The following ARHGAP6 variants were observed in gnomAD, a reference collection of about 807,000 sequenced individuals.
The protein encoded by ARHGAP6 is Rho GTPase activating protein 6, also known as rho GTPase-activating protein 6.
A neutral mutation model predicts 55.7 loss-of-function variants in ARHGAP6; 16 were observed. That is an observed-to-expected ratio of 0.29 (90% CI 0.19 to 0.44). The LOEUF (loss-of-function observed/expected upper bound fraction) is 0.44, where lower values mean the gene tolerates loss of function less well. Ranked by LOEUF, ARHGAP6 falls within the 20% of genes least tolerant of loss-of-function variation. The pLI, the probability that ARHGAP6 is intolerant of heterozygous loss-of-function variation, is 1.00. For synonymous variants in ARHGAP6, 382 were observed against 360.9 expected, an observed-to-expected ratio of 1.06 and a Z score of -0.66; for missense variants, 698 against 808.9, an observed-to-expected ratio of 0.86 and a Z score of 1.66.
intron 1 of ARHGAP6, among the ~76,000 whole-genome samples, chrX:11,276,342 A>G: frequency 8.9e-6 from 1 of 112,096 alleles, no homozygotes; most frequent in Non-Finnish European, 1.9e-5. Context: ...TAGAAACAGC[A>G]CTAACATTTT....
At chrX:11,154,727 T>C (rs1400228254) in intron 10 of ARHGAP6, among the ~76,000 whole-genome samples, 1 of 112,163 alleles carries the variant, frequency 8.9e-6, no homozygotes, top group African/African-American at 3.2e-5. Context: ...AAAATTATGG[T>C]GGTGCATGAT....
chrX:11,515,358 G>A (rs942962634), intron 1 of ARHGAP6, among the ~76,000 whole-genome samples: 4 of 112,330 alleles, frequency 3.6e-5, no homozygotes, highest in Admixed American at 1.9e-4. Context: ...GAAAAGTTGC[G>A]TCCTGAAGCA....
intron 1 of ARHGAP6, among the ~76,000 whole-genome samples, chrX:11,463,876 C>A (rs1029418249): frequency 8.9e-6 from 1 of 112,206 alleles, no homozygotes; most frequent in Non-Finnish European, 1.9e-5. Context: ...TATAAGTCAA[C>A]TGCTTCGTAG....
At chrX:11,338,497 T>C (rs1417399230) in intron 1 of ARHGAP6, among the ~76,000 whole-genome samples, 1 of 111,788 alleles carries the variant, frequency 8.9e-6, no homozygotes, top group African/African-American at 3.3e-5. Flanking sequence ...TATTACTACT[T>C]TCTTCCTTTT....
chrX:11,390,432 G>C (rs1205068327), intron 1 of ARHGAP6, among the ~76,000 whole-genome samples: 3 of 111,367 alleles, frequency 2.7e-5, no homozygotes, highest in Non-Finnish European at 5.7e-5. Flanking sequence ...AACACCAAAA[G>C]CAATGGCAAC....
At chrX:11,224,626 T>C (rs1388255801) in intron 2 of ARHGAP6, among the ~76,000 whole-genome samples, 1 of 108,898 alleles carries the variant, frequency 9.2e-6, no homozygotes, top group Non-Finnish European at 1.9e-5. Context: ...AGCACATTGA[T>C]AGAGGGAGAG....
At chrX:11,582,407 C>T (rs1006796848) in intron 1 of ARHGAP6, among the ~76,000 whole-genome samples, 3 of 112,003 alleles carry the variant, frequency 2.7e-5, no homozygotes, top group African/African-American at 9.7e-5. Flanking sequence ...ATGATTTCCC[C>T]GACAGATTCT....
At chrX:11,213,497 A>G (rs950003920) in intron 2 of ARHGAP6, among the ~76,000 whole-genome samples, 43 of 112,526 alleles carry the variant, frequency 3.8e-4, no homozygotes, top group African/African-American at 1.3e-3. Flanking sequence ...TATGGAATCA[A>G]CACTCAGGTG....
intron 1 of ARHGAP6, among the ~76,000 whole-genome samples, chrX:11,595,044 A>T (rs2051884099): frequency 8.9e-6 from 1 of 111,824 alleles, no homozygotes; most frequent in South Asian, 3.8e-4. Context: ...TAATCCCAAC[A>T]CTTTGGGAGG....
intron 1 of ARHGAP6, among the ~76,000 whole-genome samples, chrX:11,326,040 C>T (rs948591830): frequency 2.7e-5 from 3 of 111,958 alleles, no homozygotes; most frequent in Non-Finnish European, 3.8e-5. Flanking sequence ...GCAAGAAGCA[C>T]GCAATTCAAA....
At chrX:11,653,696 G>C (rs749448839) in intron 1 of ARHGAP6, among the ~76,000 whole-genome samples, 1 of 111,911 alleles carries the variant, frequency 8.9e-6, no homozygotes, top group South Asian at 3.7e-4. Flanking sequence ...ATTCTCATTT[G>C]ATAGATGAAG....
chrX:11,287,923 A>G (rs2047941154), intron 1 of ARHGAP6, among the ~76,000 whole-genome samples: 1 of 112,318 alleles, frequency 8.9e-6, no homozygotes, highest in Admixed American at 9.4e-5. Flanking sequence ...ACCTTGCACC[A>G]CACCAGCAGT....
intron 1 of ARHGAP6, among the ~76,000 whole-genome samples, chrX:11,648,984 A>G (rs1024300837): frequency 8.9e-6 from 1 of 112,361 alleles, no homozygotes; most frequent in Non-Finnish European, 1.9e-5. Context: ...ATCTTAAAAA[A>G]TGGAAGATGG....
chrX:11,529,713 A>G lies in ARHGAP6; in HGVS notation c.588+134528T>C, dbSNP rs894763246. 7.1e-5 allele frequency among the ~76,000 whole-genome samples: 8 copies of G among 111,890 alleles called. No individual in the cohort carries two copies. In the East Asian group the frequency reaches 8.4e-4, roughly 12 times the overall value. On this transcript the variant is annotated intron_variant, in intron 1 of 12. Transcript: ENST00000337414. ...GACACCTTGTTCTTTTATTAATAAG[A>G]GAAGAATAACTCTGATAAGTCAAAG... is the stretch of plus-strand genomic sequence containing the variant.
At chrX:11,449,983 C>T (rs1042158644) in intron 1 of ARHGAP6, among the ~76,000 whole-genome samples, 11 of 111,187 alleles carry the variant, frequency 9.9e-5, no homozygotes, top group Admixed American at 9.6e-4. Context: ...AGATATTCAC[C>T]CTGACAGAAA....
intron 1 of ARHGAP6, among the ~76,000 whole-genome samples, chrX:11,529,137 G>A (rs2051021621): frequency 9.0e-6 from 1 of 111,426 alleles, no homozygotes; most frequent in African/African-American, 3.3e-5. Context: ...GTAATGTCTG[G>A]AACATAGTAA....
chrX:11,510,907 T>C (rs773552378), intron 1 of ARHGAP6, among the ~76,000 whole-genome samples: 1 of 112,155 alleles, frequency 8.9e-6, no homozygotes, highest in African/African-American at 3.2e-5. Flanking sequence ...GTATTGCTTA[T>C]GGCTGCTTTA....
At chrX:11,173,430 A>G (rs2046123337) in intron 8 of ARHGAP6, among the ~76,000 whole-genome samples, 1 of 111,942 alleles carries the variant, frequency 8.9e-6, no homozygotes, top group Non-Finnish European at 1.9e-5. Flanking sequence ...ACAAGTGCAT[A>G]TTCACACCAC....
chrX:11,280,539 G>T (rs1028678387), intron 1 of ARHGAP6, among the ~76,000 whole-genome samples: 16 of 110,185 alleles, frequency 1.5e-4, no homozygotes, highest in Non-Finnish European at 1.9e-5. Flanking sequence ...AATAGCAAAG[G>T]GGTGTATCCA....
Sources: gnomAD v4.1 joint callset for allele counts (sites outside exome capture counted in the v4.1 genomes callset) on GRCh38, gnomAD v4.1.1 for gene constraint, MANE v1.5 for transcripts, NCBI Gene and HGNC (gene_info 2026-07-23, HGNC 2026-07-21) for gene names.